The following LGR5 variants were observed in gnomAD, a reference collection of about 807,000 sequenced individuals.
LGR5 encodes leucine-rich repeat-containing G protein-coupled receptor 5.
LGR5 carries 54 observed loss-of-function variants against 76.7 expected under a neutral mutation model. The ratio of observed to expected loss-of-function variants is 0.70; its 90% CI spans 0.57 to 0.88. The LOEUF is 0.88. Among genes scored for constraint, LGR5 ranks in the 40% least tolerant of loss-of-function variants. The pLI, the probability that LGR5 is intolerant of heterozygous loss-of-function variation, is 0.00. For missense variants in LGR5, 1,078 were observed against 1,073.3 expected, an observed-to-expected ratio of 1.00 and a Z score of -0.06; for synonymous variants, 406 against 421.9, an observed-to-expected ratio of 0.96 and a Z score of 0.46.
chr12:71,566,949 G>A (rs1364350568), intron 11 of LGR5, 37 bp downstream of exon 11: 1 of 1,457,798 alleles, frequency 6.9e-7, no homozygotes, highest in Non-Finnish European at 9.6e-7. Flanking sequence ...GTGTAAACAG[G>A]CAACTTCCAT....
chr12:71,554,945 C>G (rs1471617755), intron 5 of LGR5, among the ~76,000 whole-genome samples: 2 of 152,146 alleles, frequency 1.3e-5, no homozygotes, highest in Non-Finnish European at 2.9e-5. Context: ...CTCACTATTT[C>G]TCTCTTTGCT....
At chr12:71,552,338 G>A (rs573141112) in intron 4 of LGR5, among the ~76,000 whole-genome samples, 1 of 152,280 alleles carries the variant, frequency 6.6e-6, no homozygotes, top group South Asian at 2.1e-4. Flanking sequence ...GCCGAGGTGG[G>A]CAGATCGCAT....
At chr12:71,469,299 C>G (rs1356732232) in intron 1 of LGR5, among the ~76,000 whole-genome samples, 1 of 152,210 alleles carries the variant, frequency 6.6e-6, no homozygotes, top group African/African-American at 2.4e-5. Flanking sequence ...TTAGAATTGC[C>G]TCACTTCACA....
intron 4 of LGR5, among the ~76,000 whole-genome samples, chr12:71,545,037 C>CGAGGCAGGAGGATTGCTT (rs1180173031): frequency 6.6e-6 from 1 of 151,890 alleles, no homozygotes; most frequent in Non-Finnish European, 1.5e-5. Flanking sequence ...TTTGGGAAGC[C>CGAGGCAGGAGGATTGCTT]GAGGCAGGAG....
intron 2 of LGR5, among the ~76,000 whole-genome samples, chr12:71,523,085 A>C (rs147138347): frequency 2.1e-4 from 32 of 152,344 alleles, no homozygotes; most frequent in African/African-American, 7.0e-4. Flanking sequence ...AATACTACTC[A>C]GAAGTTCTAT....
chr12:71,529,346 G>A (rs1346430579), intron 3 of LGR5, among the ~76,000 whole-genome samples: 1 of 152,048 alleles, frequency 6.6e-6, no homozygotes, highest in Non-Finnish European at 1.5e-5. Context: ...ATGGCATCAG[G>A]AGAGAGAGAG....
intron 3 of LGR5, 117 bp downstream of exon 3, chr12:71,524,594 C>A: frequency 1.6e-6 from 1 of 635,382 alleles, no homozygotes; most frequent in Non-Finnish European, 2.7e-6. Context: ...GATAATTCAT[C>A]TAAATTCAAG....
At chr12:71,561,975 A>G in intron 8 of LGR5, 123 bp downstream of exon 8, 1 of 594,352 alleles carries the variant, frequency 1.7e-6, no homozygotes. Context: ...GAGTTCATAC[A>G]GAAAGGTATA....
intron 4 of LGR5, among the ~76,000 whole-genome samples, chr12:71,536,633 G>A (rs1047326207): frequency 2.6e-5 from 4 of 152,260 alleles, no homozygotes; most frequent in African/African-American, 9.6e-5. Flanking sequence ...AATGGCGGTA[G>A]CCAGTAGGAA....
At chr12:71,546,575 A>G (rs1877177211) in intron 4 of LGR5, among the ~76,000 whole-genome samples, 1 of 151,832 alleles carries the variant, frequency 6.6e-6, no homozygotes, top group South Asian at 2.1e-4. Context: ...AGGCCCACAT[A>G]TTTAACATCT....
At chr12:71,567,120 G>A (rs924178100) in intron 11 of LGR5, 15 of 549,824 alleles carry the variant, frequency 2.7e-5, no homozygotes, top group Non-Finnish European at 4.9e-5. Flanking sequence ...TGTTTTCTAA[G>A]TCCCAAACAA....
chr12:71,486,443 T>C (rs908423196), intron 1 of LGR5, among the ~76,000 whole-genome samples: 3 of 152,054 alleles, frequency 2.0e-5, no homozygotes, highest in African/African-American at 4.8e-5. Context: ...AAAATAAAAA[T>C]CAAAGGTTGA....
At chr12:71,582,838 T>C (rs893687358) in intron 17 of LGR5, among the ~76,000 whole-genome samples, 2 of 152,186 alleles carry the variant, frequency 1.3e-5, no homozygotes, top group African/African-American at 4.8e-5. Flanking sequence ...CCTGAAATAG[T>C]ATGCTATAAT....
chr12:71,566,256 G>A (rs17227255), intron 8 of LGR5, 148 bp from the exon 9 acceptor site: 254 of 613,534 alleles, frequency 4.1e-4, no homozygotes, highest in Non-Finnish European at 6.7e-4. Context: ...TTTGAGGCTT[G>A]CCTGAAACCA....
chr12:71,502,102 T>C (rs1592495063), intron 1 of LGR5, among the ~76,000 whole-genome samples: 1 of 152,112 alleles, frequency 6.6e-6, no homozygotes, highest in Non-Finnish European at 1.5e-5. Context: ...GGTTTTCTAG[T>C]ACTAGGTCAT....
At chr12:71,532,414 T>TACATTTGAG (rs1225259376) in intron 3 of LGR5, among the ~76,000 whole-genome samples, 6 of 152,298 alleles carry the variant, frequency 3.9e-5, no homozygotes, top group Middle Eastern at 3.4e-3. Context: ...AAGGAACCAA[T>TACATTTGAG]ACATTTGAGA....
chr12:71,465,099 G>A (rs553167003), intron 1 of LGR5, among the ~76,000 whole-genome samples: 63 of 152,232 alleles, frequency 4.1e-4, no homozygotes, highest in African/African-American at 1.4e-3. Flanking sequence ...GTGCCTCCTC[G>A]AAGTATGACC....
At chr12:71,450,284 G>A (rs547484351) in intron 1 of LGR5, among the ~76,000 whole-genome samples, 1 of 152,254 alleles carries the variant, frequency 6.6e-6, no homozygotes, top group East Asian at 1.9e-4. Flanking sequence ...CACATGTTGT[G>A]TATGTCCATA....
intron 3 of LGR5, among the ~76,000 whole-genome samples, chr12:71,533,780 C>T (rs969849130): frequency 1.3e-5 from 2 of 152,228 alleles, no homozygotes; most frequent in African/African-American, 4.8e-5. Context: ...GGTGTTATTA[C>T]TGATCGCTGA....
Sources: gnomAD v4.1 joint callset for allele counts (sites outside exome capture counted in the v4.1 genomes callset) on GRCh38, gnomAD v4.1.1 for gene constraint, MANE v1.5 for transcripts, NCBI Gene and HGNC (gene_info 2026-07-23, HGNC 2026-07-21) for gene names.